Variants in RAB33B observed in about 807,000 individuals in gnomAD.
RAB33B encodes the protein ras-related protein Rab-33B.
In RAB33B, 6 loss-of-function variants were observed where a neutral mutation model predicts 15.0. That is an observed-to-expected ratio of 0.40 (90% confidence interval 0.22 to 0.79). The LOEUF (loss-of-function observed/expected upper bound fraction) is 0.79. RAB33B is among the 30% of genes least tolerant of loss of function. The pLI, the probability that RAB33B is intolerant of heterozygous loss-of-function variation, is 0.37. For synonymous variants in RAB33B, 117 were observed against 108.3 expected, an observed-to-expected ratio of 1.08 and a Z score of -0.50; for missense variants, 257 against 296.4, an observed-to-expected ratio of 0.87 and a Z score of 0.98.
At chr4:139,467,732 C>G (rs1350046475) in intron 1 of RAB33B, among the ~76,000 whole-genome samples, 1 of 151,816 alleles carries the variant, frequency 6.6e-6, no homozygotes, top group Non-Finnish European at 1.5e-5. Flanking sequence ...TTATCTTGCA[C>G]CTGTAGTCCC....
chr4:139,467,639 C>T (rs1183028619), intron 1 of RAB33B, among the ~76,000 whole-genome samples: 1 of 151,550 alleles, frequency 6.6e-6, no homozygotes, highest in Admixed American at 6.6e-5. Context: ...AGGCAAATCG[C>T]TTGAGCTGAG....
chr4:139,455,130 G>C (rs1309063899), intron 1 of RAB33B, among the ~76,000 whole-genome samples: 2 of 152,158 alleles, frequency 1.3e-5, no homozygotes, highest in South Asian at 4.1e-4. Flanking sequence ...TGGTCCCTGG[G>C]ACTGGGGACA....
intron 1 of RAB33B, among the ~76,000 whole-genome samples, chr4:139,471,590 A>G (rs1454303615): frequency 2.0e-5 from 3 of 149,354 alleles, no homozygotes; most frequent in African/African-American, 7.4e-5. Flanking sequence ...AGTTGGGGAC[A>G]TGATAGGTAG....
At position 139,464,386 on chromosome 4, in the gene RAB33B, GTTTTTT is replaced by G. The variant is rs372330119; in HGVS notation, c.250-8279_250-8274del. On this transcript the variant is annotated intron_variant, in intron 1 of 1. Transcript: ENST00000305626. ...CGGGATTGATGGGAAGAGGAATACT[GTTTTTT>G]TTTTTTTTTTTTTTTTTTTTATACT... Among the ~76,000 whole-genome samples the G allele has an allele frequency of 9.8e-5, 10 of 101,770 alleles. 1 individual carries two copies. The highest frequency in any genetic ancestry group is 2.8e-4 in the African/African-American group (8 of 28,618). 66.8% of individuals were successfully genotyped at this position (101,770 alleles called of 152,430 possible). A position where few individuals can be genotyped will look rare whatever the true frequency, so the allele number is the denominator to read the frequency against.
At chr4:139,451,644 G>A (rs923648657), upstream of RAB33B, 1 of 152,096 alleles carries the variant, frequency 6.6e-6, no homozygotes, top group African/African-American at 2.4e-5. Flanking sequence ...CCAAAGCGTT[G>A]GGATTATAGG....
chr4:139,442,047 G>A, the RAB33B span, among the ~76,000 whole-genome samples: 4 of 152,152 alleles, frequency 2.6e-5, no homozygotes, highest in South Asian at 2.1e-4. Context: ...AATCACGGTT[G>A]CGATTTTCTC....
At chr4:139,442,971 A>G in the RAB33B span, among the ~76,000 whole-genome samples, 1 of 151,796 alleles carries the variant, frequency 6.6e-6, no homozygotes, top group Non-Finnish European at 1.5e-5. Context: ...AATAGTATGG[A>G]GAACACTGAT....
rs372173216 is a variant in RAB33B at position 139,455,639 on chromosome 4, T to G, written c.249+1195T>G. ...TCCCATATGAGCTCTCAGTGGTGGTTTTGGAGTTGCTTTGTATTAGGGAAT... is the reference window on the plus strand; with the variant it reads ...TCCCATATGAGCTCTCAGTGGTGGTGTTGGAGTTGCTTTGTATTAGGGAAT... On this transcript the variant is annotated intron_variant, in intron 1 of 1. Coordinates refer to ENST00000305626, the MANE Select transcript of RAB33B (RefSeq NM_031296.3). 7.2e-4 allele frequency among the ~76,000 whole-genome samples: 109 copies of G among 152,284 alleles called. 2 individuals carry two copies. The South Asian group carries it at 0.023, about 32-fold the overall frequency.
intron 1 of RAB33B, among the ~76,000 whole-genome samples, chr4:139,457,356 C>A (rs1179717964): frequency 6.6e-6 from 1 of 152,198 alleles, no homozygotes; most frequent in African/African-American, 2.4e-5. Flanking sequence ...TATGCTCCTT[C>A]CTCGTGTGTA....
intron 1 of RAB33B, among the ~76,000 whole-genome samples, chr4:139,455,533 G>C (rs1209583482): frequency 6.6e-6 from 1 of 152,148 alleles, no homozygotes; most frequent in Admixed American, 6.5e-5. Flanking sequence ...AATGATGGTA[G>C]AGGTGAAGTA....
At position 139,476,476 on chromosome 4, in the gene RAB33B, G is replaced by C. The variant is rs1217426655; in HGVS notation, c.*3350G>C. 6.6e-6 allele frequency: 1 copy of C among 152,192 alleles called. No homozygotes were observed. The highest frequency in any genetic ancestry group is 2.4e-5 in the African/African-American group (1 of 41,446). 9.4% of individuals were successfully genotyped at this position (152,192 alleles called of 1,614,324 possible). A position where few individuals can be genotyped will look rare whatever the true frequency, so the allele number is the denominator to read the frequency against. On this transcript the variant is annotated 3_prime_UTR_variant, in exon 2 of 2. Transcript: ENST00000305626. Reference sequence around the variant, plus strand: ...AATCAGATATTAAGAAGTTCGTCATGTATTTTGGGAGCACGTTTGCTACAG... The same window carrying C: ...AATCAGATATTAAGAAGTTCGTCATCTATTTTGGGAGCACGTTTGCTACAG...
At chr4:139,444,372 A>G in the RAB33B span, among the ~76,000 whole-genome samples, 1 of 152,258 alleles carries the variant, frequency 6.6e-6, no homozygotes, top group East Asian at 1.9e-4. Context: ...TGGATTAGCC[A>G]CTTTAGACCT....
intron 1 of RAB33B, among the ~76,000 whole-genome samples, chr4:139,468,358 G>A (rs1211978373): frequency 6.6e-6 from 1 of 152,146 alleles, no homozygotes; most frequent in Non-Finnish European, 1.5e-5. Context: ...TGAGATTTGG[G>A]TGGGGACACA....
Position 139,465,337 on chromosome 4 carries a change from G to A in RAB33B, c.250-7349G>A, listed in dbSNP as rs532811288. ...GCAAAAATTTTCTCTCATTCTGTAG[G>A]TTGCCTGTTCACTCTGATGGTAGTT... On this transcript the variant is annotated intron_variant, in intron 1 of 1. Transcript: ENST00000305626. Among the ~76,000 whole-genome samples, 761 of 152,282 alleles carry A rather than the reference G, an allele frequency of 5.0e-3. 6 individuals carry two copies. Among genetic ancestry groups the A allele is most frequent in the African/African-American group, 0.016 (682 of 41,554 alleles).
the RAB33B span, among the ~76,000 whole-genome samples, chr4:139,440,962 A>G: frequency 6.6e-6 from 1 of 152,080 alleles, no homozygotes; most frequent in Non-Finnish European, 1.5e-5. Context: ...TTGGGTCACA[A>G]TGCTATAGAT....
the RAB33B span, among the ~76,000 whole-genome samples, chr4:139,442,534 G>C: frequency 3.3e-5 from 5 of 152,246 alleles, no homozygotes; most frequent in South Asian, 1.0e-3. Context: ...CTTAATCTGG[G>C]TGGGCACCAT....
intron 1 of RAB33B, among the ~76,000 whole-genome samples, chr4:139,470,878 A>G (rs1439296635): frequency 6.6e-6 from 1 of 151,834 alleles, no homozygotes; most frequent in African/African-American, 2.4e-5. Flanking sequence ...CCAGTGTCCT[A>G]TCCTGCTGTG....
intron 1 of RAB33B, among the ~76,000 whole-genome samples, chr4:139,463,579 A>T (rs1266193226): frequency 6.6e-6 from 1 of 152,254 alleles, no homozygotes; most frequent in Non-Finnish European, 1.5e-5. Context: ...CATTTACCAG[A>T]TGAAAGCGTC....
At chr4:139,444,960 C>A in the RAB33B span, among the ~76,000 whole-genome samples, 2 of 152,222 alleles carry the variant, frequency 1.3e-5, no homozygotes, top group African/African-American at 4.8e-5. Context: ...GTGCCACCAT[C>A]AAGGACTTGA....
Sources: allele counts gnomAD v4.1 joint callset (sites outside exome capture counted in the v4.1 genomes callset), GRCh38; gene constraint gnomAD v4.1.1; transcripts MANE v1.5; gene names NCBI Gene and HGNC (gene_info 2026-07-23, HGNC 2026-07-21).